PRKACB: variants seen among roughly 807,000 people sequenced by gnomAD.
PRKACB encodes the protein protein kinase cAMP-activated catalytic subunit beta.
In PRKACB, 16 loss-of-function variants were observed where a neutral mutation model predicts 51.4. That is an observed-to-expected ratio of 0.31 (90% CI 0.21 to 0.47). The LOEUF (loss-of-function observed/expected upper bound fraction) is 0.47. Ranked by LOEUF, PRKACB falls within the 20% of genes least tolerant of loss-of-function variation. PRKACB has a pLI of 1.00. For synonymous variants in PRKACB, 147 were observed against 154.4 expected (o/e 0.95, Z 0.35); for missense variants, 309 against 464.5 (o/e 0.67, Z 3.08).
intron 1 of PRKACB, chr1:84,173,430 G>T: frequency 2.5e-6 from 3 of 1,222,648 alleles, no homozygotes; most frequent in Non-Finnish European, 3.5e-6. Context: ...GATATTTTGT[G>T]GCAATTAGAA....
intron 1 of PRKACB, among the ~76,000 whole-genome samples, chr1:84,095,331 C>T (rs1463656976): frequency 6.7e-6 from 1 of 149,352 alleles, no homozygotes; most frequent in Non-Finnish European, 1.5e-5. Flanking sequence ...GTAAAGGTGT[C>T]CTAGTGATGA....
chr1:84,179,729 T>TA (rs962965938), intron 2 of PRKACB, among the ~76,000 whole-genome samples: 3 of 151,914 alleles, frequency 2.0e-5, no homozygotes, highest in African/African-American at 7.2e-5. Context: ...AAACTGTATA[T>TA]AAAAAACCAT....
At chr1:84,221,951 A>G (rs921911126) in intron 9 of PRKACB, among the ~76,000 whole-genome samples, 2 of 152,128 alleles carry the variant, frequency 1.3e-5, no homozygotes, top group South Asian at 2.1e-4. Flanking sequence ...CATTTTGTCT[A>G]CAGTGCAGTT....
chr1:84,172,008 A>G (rs764678693), intron 1 of PRKACB, among the ~76,000 whole-genome samples: 22 of 151,712 alleles, frequency 1.5e-4, no homozygotes, highest in Non-Finnish European at 2.5e-4. Flanking sequence ...AATTCTACCG[A>G]GGGATATTTA....
intron 9 of PRKACB, among the ~76,000 whole-genome samples, chr1:84,215,786 A>T (rs1430237251): frequency 6.6e-6 from 1 of 152,174 alleles, no homozygotes; most frequent in African/African-American, 2.4e-5. Context: ...TGCTGCACTG[A>T]ATTACCTTTA....
intron 9 of PRKACB, among the ~76,000 whole-genome samples, chr1:84,222,721 A>G (rs962758523): frequency 6.6e-6 from 1 of 152,150 alleles, no homozygotes; most frequent in Non-Finnish European, 1.5e-5. Flanking sequence ...GTTTTTGCTT[A>G]TCTGGGAAAG....
At chr1:84,170,968 T>C (rs1341577521) in intron 1 of PRKACB, among the ~76,000 whole-genome samples, 1 of 151,572 alleles carries the variant, frequency 6.6e-6, no homozygotes, top group Non-Finnish European at 1.5e-5. Context: ...ATTCAACAAA[T>C]TTCAAATGAT....
chr1:84,182,957 G>T (rs1056492457), intron 3 of PRKACB, among the ~76,000 whole-genome samples: 10 of 151,992 alleles, frequency 6.6e-5, no homozygotes, highest in Non-Finnish European at 1.3e-4. Flanking sequence ...GAGGCCCAAA[G>T]ATTTGAAATC....
At chr1:84,105,542 CATTTATTTATTTATTTATTTATTT>C (rs66546945) in intron 1 of PRKACB, among the ~76,000 whole-genome samples, 4 of 145,602 alleles carry the variant, frequency 2.7e-5, no homozygotes, top group South Asian at 2.3e-4. Flanking sequence ...CCACTGTTAG[CATTTATTTATTTATTTATTTATTT>C]ATTTATTTAT....
At chr1:84,208,369 CA>C (rs1323167356) in intron 8 of PRKACB, among the ~76,000 whole-genome samples, 1 of 152,228 alleles carries the variant, frequency 6.6e-6, no homozygotes, top group Non-Finnish European at 1.5e-5. Flanking sequence ...GTTCGTTTAA[CA>C]TATTACATAA....
At chr1:84,207,837 T>C (rs1671563694) in intron 8 of PRKACB, among the ~76,000 whole-genome samples, 1 of 150,410 alleles carries the variant, frequency 6.6e-6, no homozygotes, top group African/African-American at 2.4e-5. Flanking sequence ...TTGATTTGGC[T>C]TTATTTTATT....
chr1:84,231,941 G>C (rs1203756683), intron 9 of PRKACB, among the ~76,000 whole-genome samples: 204 of 149,708 alleles, frequency 1.4e-3, no homozygotes, highest in African/African-American at 4.9e-3. Flanking sequence ...TCTGATTTTA[G>C]TTATTTCTTG....
chr1:84,149,991 G>A (rs28573761), intron 1 of PRKACB, among the ~76,000 whole-genome samples: 24,378 of 152,178 alleles, frequency 0.16, 2,418 homozygotes, highest in East Asian at 0.23. Flanking sequence ...AAGGCCAGGT[G>A]TGGTGGCTCA....
chr1:84,205,726 T>C (rs537943528), intron 8 of PRKACB, among the ~76,000 whole-genome samples: 1 of 152,220 alleles, frequency 6.6e-6, no homozygotes, highest in Non-Finnish European at 1.5e-5. Context: ...TTACAATATT[T>C]TAACTCAAGC....
intron 8 of PRKACB, among the ~76,000 whole-genome samples, chr1:84,209,658 C>G (rs181604622): frequency 6.6e-6 from 1 of 152,154 alleles, no homozygotes; most frequent in Admixed American, 6.5e-5. Flanking sequence ...GAGTAAAAGT[C>G]GAAGACCTTA....
intron 1 of PRKACB, among the ~76,000 whole-genome samples, chr1:84,115,831 G>A (rs760382705): frequency 2.2e-5 from 3 of 137,204 alleles, no homozygotes; most frequent in South Asian, 2.4e-4. Flanking sequence ...GTGGTGAGCC[G>A]AGATCGTGCC....
intron 1 of PRKACB, chr1:84,164,596 A>G (rs1274803150): frequency 6.6e-6 from 9 of 1,369,078 alleles, no homozygotes; most frequent in Non-Finnish European, 8.7e-6. Flanking sequence ...CTTGGATACA[A>G]GTGAACCGAT....
intron 1 of PRKACB, among the ~76,000 whole-genome samples, chr1:84,167,108 G>C (rs1352405473): frequency 6.6e-6 from 1 of 151,468 alleles, no homozygotes; most frequent in Non-Finnish European, 1.5e-5. Context: ...ATATTCTCCA[G>C]TCTTACTGAC....
intron 1 of PRKACB, chr1:84,164,767 T>C: frequency 7.2e-7 from 1 of 1,381,638 alleles, no homozygotes; most frequent in Non-Finnish European, 9.3e-7. Flanking sequence ...AGTCTAGTTA[T>C]AGACATCTTT....
Sources: gnomAD v4.1 joint callset for allele counts (sites outside exome capture counted in the v4.1 genomes callset) on GRCh38, gnomAD v4.1.1 for gene constraint, MANE v1.5 for transcripts, NCBI Gene and HGNC (gene_info 2026-07-23, HGNC 2026-07-21) for gene names.